Variants in LEKR1 observed in about 807,000 individuals in gnomAD.
The protein encoded by LEKR1 is protein LEKR1.
In LEKR1, 59 loss-of-function variants were observed where a neutral mutation model predicts 72.4. That is an observed-to-expected ratio of 0.82 (90% CI 0.66 to 1.01). LEKR1 has a LOEUF of 1.01. LEKR1 is among the 50% of genes least tolerant of loss of function. The pLI is 0.00. For missense variants in LEKR1, 728 were observed against 759.2 expected, an observed-to-expected ratio of 0.96 and a Z score of 0.48; for synonymous variants, 257 against 263.2, an observed-to-expected ratio of 0.98 and a Z score of 0.23.
chr3:156,964,445 T>G (rs750512430), intron 6 of LEKR1, among the ~76,000 whole-genome samples: 1 of 152,176 alleles, frequency 6.6e-6, no homozygotes, highest in Non-Finnish European at 1.5e-5. Flanking sequence ...TATATATCTC[T>G]GAGTATTGCC....
intron 3 of LEKR1, among the ~76,000 whole-genome samples, chr3:156,917,465 T>C (rs938859446): frequency 1.3e-5 from 2 of 151,682 alleles, no homozygotes; most frequent in Admixed American, 1.3e-4. Flanking sequence ...AAGTGAAAAG[T>C]AAAAAATTTT....
At chr3:156,956,505 A>G (rs1322331815) in intron 6 of LEKR1, among the ~76,000 whole-genome samples, 1 of 152,018 alleles carries the variant, frequency 6.6e-6, no homozygotes, top group Non-Finnish European at 1.5e-5. Context: ...TGTAAGCATC[A>G]TTAACAATGG....
intron 5 of LEKR1, among the ~76,000 whole-genome samples, chr3:156,938,695 G>A (rs1450208524): frequency 6.6e-6 from 1 of 152,112 alleles, no homozygotes; most frequent in African/African-American, 2.4e-5. Context: ...AAAATAAATT[G>A]TGTAGTTTTT....
intron 7 of LEKR1, among the ~76,000 whole-genome samples, chr3:156,987,760 T>C (rs936006621): frequency 4.6e-5 from 7 of 152,198 alleles, no homozygotes; most frequent in Admixed American, 1.3e-4. Context: ...GGGTTTTTTG[T>C]TTTTTGAGGT....
At chr3:157,041,281 T>C (rs1735321674) in intron 12 of LEKR1, among the ~76,000 whole-genome samples, 1 of 152,108 alleles carries the variant, frequency 6.6e-6, no homozygotes, top group African/African-American at 2.4e-5. Context: ...AGATAAGGAC[T>C]TCCTCCATGA....
chr3:156,937,063 T>A (rs991000796), intron 5 of LEKR1, among the ~76,000 whole-genome samples: 2 of 152,058 alleles, frequency 1.3e-5, no homozygotes, highest in Non-Finnish European at 2.9e-5. Context: ...GACTGCTTAA[T>A]CCCAGGAGTT....
chr3:156,926,161 A>G (rs1423306203), intron 4 of LEKR1, among the ~76,000 whole-genome samples: 1 of 152,048 alleles, frequency 6.6e-6, no homozygotes, highest in Non-Finnish European at 1.5e-5. Flanking sequence ...CACTGATTTC[A>G]CAAATATGAG....
At chr3:157,026,338 T>C (rs998049934) in intron 11 of LEKR1, among the ~76,000 whole-genome samples, 12 of 152,160 alleles carry the variant, frequency 7.9e-5, no homozygotes, top group African/African-American at 2.7e-4. Flanking sequence ...ACTTGCCAAA[T>C]GTTACAGTTT....
rs143357067 is a variant in LEKR1, at chr3:156,943,226, C to T, written c.745+512C>T. ...AAATAGGTAATCAGAAGAATGATAT[C>T]ACAAAAGCAGAATTTTAGACAAATT... On this transcript the variant is annotated intron_variant, in intron 6 of 12. Coordinates refer to ENST00000356539, the MANE Select transcript of LEKR1 (RefSeq NM_001004316.3). Among the ~76,000 whole-genome samples the T allele has an allele frequency of 4.3e-3, 653 of 151,962 alleles. 3 individuals carry two copies. The highest frequency in any genetic ancestry group is 5.5e-3 in the Non-Finnish European group (373 of 67,906).
intron 3 of LEKR1, among the ~76,000 whole-genome samples, chr3:156,886,852 A>G (rs773890570): frequency 3.9e-5 from 6 of 152,216 alleles, no homozygotes; most frequent in Non-Finnish European, 7.3e-5. Context: ...ACAAGAATTC[A>G]TATAGTAACG....
Position 157,045,484 on chromosome 3 carries a change from G to A in LEKR1, c.1813G>A (p.Gly605Ser), listed in dbSNP as rs780194079. The A allele has an allele frequency of 1.2e-6, 2 of 1,614,110 alleles. No individual in the cohort carries two copies. Among genetic ancestry groups the A allele is most frequent in the South Asian group, 1.1e-5 (1 of 91,074 alleles). ...LPFSPCSLSK[G>S]SLTSPAAAVS... ...ATTCTCACCGTGTTCCCTCAGCAAG[G>A]GCAGCCTAACCTCCCCTGCTGCAGC... The change falls in exon 13 of 13, where the codon GGC becomes AGC. Residue 605 changes from glycine (G) to serine (S), a missense_variant. Coordinates refer to ENST00000356539, the MANE Select transcript of LEKR1 (RefSeq NM_001004316.3).
chr3:156,928,524 G>T (rs1310172196), intron 5 of LEKR1, among the ~76,000 whole-genome samples: 1 of 151,954 alleles, frequency 6.6e-6, no homozygotes, highest in Non-Finnish European at 1.5e-5. Flanking sequence ...TCTTTTTAAG[G>T]ATATTGGACT....
intron 10 of LEKR1, among the ~76,000 whole-genome samples, chr3:157,011,867 T>C (rs1732918363): frequency 6.6e-6 from 1 of 152,108 alleles, no homozygotes; most frequent in African/African-American, 2.4e-5. Context: ...CTTCTTCTCC[T>C]ATAAGAAGAT....
chr3:156,910,777 T>C (rs922783250), intron 3 of LEKR1, among the ~76,000 whole-genome samples: 1 of 152,214 alleles, frequency 6.6e-6, no homozygotes, highest in Admixed American at 6.5e-5. Flanking sequence ...ATTCCGTGTC[T>C]TTGCTATTGT....
chr3:157,040,794 C>T (rs1255480890), intron 12 of LEKR1, among the ~76,000 whole-genome samples: 1 of 152,182 alleles, frequency 6.6e-6, no homozygotes, highest in Non-Finnish European at 1.5e-5. Flanking sequence ...TGTGATTGTT[C>T]TTCACTGAGG....
rs894364510 is a variant in LEKR1 at position 156,979,240 on chromosome 3, G to A, written c.792G>A (p.Ala264=). The change falls in exon 7 of 13, where the codon GCG becomes GCA. Residue 264 remains alanine (A), a synonymous_variant. Coordinates refer to ENST00000356539, the MANE Select transcript of LEKR1 (RefSeq NM_001004316.3). ...CACTTGGATTAAAACTTCAGAAGGC[G>A]GTGACAGAGATGGACAACTATAAAG... ...VEALGLKLQK[A]VTEMDNYKEM... is the part of the protein sequence containing the mutation. 1.4e-5 allele frequency: 18 copies of A among 1,287,692 alleles called. No individual in the cohort carries two copies. In the East Asian group the frequency reaches 2.2e-4, roughly 16 times the overall value. 79.8% of individuals were successfully genotyped at this position (1,287,692 alleles called of 1,614,324 possible). A position where few individuals can be genotyped will look rare whatever the true frequency, so the allele number is the denominator to read the frequency against.
In LEKR1 at chr3:156,941,454, C is replaced by G. The variant is rs191083956; in HGVS notation, c.560-1075C>G. On this transcript the variant is annotated intron_variant, in intron 5 of 12. Coordinates refer to ENST00000356539, the MANE Select transcript of LEKR1 (RefSeq NM_001004316.3). ...TACTTCTCCTATAACCATTTGCTGGCCAAATTACCTCTACTGCATGTCTGT... is the reference window on the plus strand; with the variant it reads ...TACTTCTCCTATAACCATTTGCTGGGCAAATTACCTCTACTGCATGTCTGT... 9.9e-5 allele frequency among the ~76,000 whole-genome samples: 15 copies of G among 152,168 alleles called. No individual in the cohort carries two copies. In the East Asian group the frequency reaches 2.5e-3, roughly 25 times the overall value.
intron 6 of LEKR1, among the ~76,000 whole-genome samples, chr3:156,969,349 G>C (rs1728936108): frequency 6.6e-6 from 1 of 152,024 alleles, no homozygotes; most frequent in South Asian, 2.1e-4. Context: ...TTTTTGAAAA[G>C]ATCAACAAAA....
At chr3:156,907,520 T>C (rs1013444817) in intron 3 of LEKR1, among the ~76,000 whole-genome samples, 1 of 152,234 alleles carries the variant, frequency 6.6e-6, no homozygotes, top group Non-Finnish European at 1.5e-5. Flanking sequence ...TTTCCTTTTT[T>C]GCTATTAAAA....
Sources: allele counts gnomAD v4.1 joint callset (sites outside exome capture counted in the v4.1 genomes callset), GRCh38; gene constraint gnomAD v4.1.1; transcripts MANE v1.5; gene names NCBI Gene and HGNC (gene_info 2026-07-23, HGNC 2026-07-21).